The following MARCHF5 variants were observed in gnomAD, a reference collection of about 807,000 sequenced individuals.
The protein encoded by MARCHF5 is membrane associated ring-CH-type finger 5.
A neutral mutation model predicts 36.5 loss-of-function variants in MARCHF5; 5 were observed. The observed-to-expected ratio is 0.14, with a 90% CI of 0.07 to 0.29. The LOEUF (loss-of-function observed/expected upper bound fraction) is 0.29. Among genes scored for constraint, MARCHF5 ranks in the 10% least tolerant of loss-of-function variants. The pLI, the probability that MARCHF5 is intolerant of heterozygous loss-of-function variation, is 1.00. For missense variants in MARCHF5, 179 were observed against 336.3 expected (o/e 0.53, Z 3.66); for synonymous variants, 103 against 109.9 (o/e 0.94, Z 0.39).
intron 1 of MARCHF5, among the ~76,000 whole-genome samples, chr10:92,297,483 C>CTTTT (rs965295861): frequency 3.3e-5 from 4 of 122,966 alleles, no homozygotes; most frequent in Non-Finnish European, 5.1e-5. Context: ...CAGCTTTCAA[C>CTTTT]TTTTTTTTTT....
chr10:92,311,399 T>C, intron 2 of MARCHF5, 62 bp downstream of exon 2: 1 of 1,193,070 alleles, frequency 8.4e-7, no homozygotes, highest in Admixed American at 2.8e-5. Context: ...ACTTTATAAG[T>C]TCATTTTAAA....
intron 3 of MARCHF5, among the ~76,000 whole-genome samples, chr10:92,347,351 G>T (rs1843656786): frequency 6.6e-6 from 1 of 152,068 alleles, no homozygotes; most frequent in Non-Finnish European, 1.5e-5. Context: ...CAGGTGTTGT[G>T]CCATGTGCCT....
chr10:92,332,515 CTTTTTTTTTT>C (rs34226671), intron 2 of MARCHF5, among the ~76,000 whole-genome samples: 1 of 95,936 alleles, frequency 1.0e-5, no homozygotes, highest in Non-Finnish European at 2.0e-5. Context: ...ATTCCCCATC[CTTTTTTTTTT>C]TTTTTTTTTT....
intron 2 of MARCHF5, among the ~76,000 whole-genome samples, chr10:92,323,899 C>T (rs1409812882): frequency 6.6e-6 from 1 of 152,190 alleles, no homozygotes; most frequent in African/African-American, 2.4e-5. Flanking sequence ...AAATTTTCAA[C>T]TCATTGGGGT....
Position 92,291,435 on chromosome 10 carries a change from C to A in MARCHF5, c.-60C>A, listed in dbSNP as rs749226809. 1,086 of 1,431,722 alleles carry A rather than the reference C, an allele frequency of 7.6e-4. 1 individual carries two copies. Among genetic ancestry groups the A allele is most frequent in the Non-Finnish European group, 1.0e-3 (1,044 of 1,039,716 alleles). The allele number at this position is 1,431,722 out of a possible 1,614,324, so 88.7% of individuals were successfully genotyped here. On this transcript the variant is annotated 5_prime_UTR_variant, in exon 1 of 6. Coordinates refer to ENST00000358935, the MANE Select transcript of MARCHF5 (RefSeq NM_017824.5). The stretch of plus-strand genomic sequence containing the variant: ...TCCGCCGCCTCTCAGTGCTATTGTC[C>A]CTGGGCCTGGCCTTGAGCGGGTCCA...
At chr10:92,312,799 C>T (rs1367565026) in intron 2 of MARCHF5, among the ~76,000 whole-genome samples, 1 of 152,192 alleles carries the variant, frequency 6.6e-6, no homozygotes, top group Non-Finnish European at 1.5e-5. Flanking sequence ...GTGTATGGCA[C>T]TCGAAAGCAA....
chr10:92,291,260 A>ATCGCCGCC lies in MARCHF5; in HGVS notation c.-232_-225dup. On this transcript the variant is annotated 5_prime_UTR_variant, in exon 1 of 6. An upstream open reading frame in the 5' UTR gains an earlier in-frame stop. Coordinates refer to ENST00000358935, the MANE Select transcript of MARCHF5 (RefSeq NM_017824.5). ...CCGACGGACGGGAACCCGGGCCGCG[A>ATCGCCGCC]TCGCCGCCTCCCCGCCTCAGGCTCC... 1 of 540,806 alleles carries ATCGCCGCC rather than the reference A, an allele frequency of 1.8e-6. No individual in the cohort carries two copies. The highest frequency in any genetic ancestry group is 3.2e-6 in the Non-Finnish European group (1 of 311,500). The allele number at this position is 540,806 out of a possible 1,614,324, so 33.5% of individuals were successfully genotyped here. A position where few individuals can be genotyped will look rare whatever the true frequency, so the allele number is the denominator to read the frequency against.
At chr10:92,332,515 CTT>C (rs34226671) in intron 2 of MARCHF5, among the ~76,000 whole-genome samples, 24 of 95,934 alleles carry the variant, frequency 2.5e-4, no homozygotes, top group South Asian at 7.1e-4. Flanking sequence ...ATTCCCCATC[CTT>C]TTTTTTTTTT....
chr10:92,350,662 AGT>A (rs1483767297), intron 5 of MARCHF5, among the ~76,000 whole-genome samples: 3 of 152,074 alleles, frequency 2.0e-5, no homozygotes, highest in African/African-American at 7.2e-5. Context: ...TGGCAGGCTC[AGT>A]GTGAGTTTAC....
chr10:92,324,567 T>G (rs1394899497), intron 2 of MARCHF5, among the ~76,000 whole-genome samples: 12 of 152,302 alleles, frequency 7.9e-5, no homozygotes, highest in African/African-American at 2.9e-4. Context: ...TTTCACTGTG[T>G]TAGCTAGGAT....
At position 92,311,234 on chromosome 10, in the gene MARCHF5, C is replaced by G. The variant is rs1843140725; in HGVS notation, c.135C>G (p.Ala45=). 1.9e-6 allele frequency: 3 copies of G among 1,613,976 alleles called. No homozygotes were observed. The Admixed American group carries it at 5.0e-5, about 27-fold the overall frequency. ...GATCTACAAAATGGGTTCACCAGGC[C>G]TGTCTACAACGCTGGGTGGATGAAA... is the stretch of plus-strand genomic sequence containing the variant. ...CRGSTKWVHQ[A]CLQRWVDEKQ... Residue 45 remains alanine (A), a synonymous_variant, in exon 2 of 6, where the codon GCC becomes GCG. Coordinates refer to ENST00000358935, the MANE Select transcript of MARCHF5 (RefSeq NM_017824.5).
At chr10:92,311,113 C>T in intron 1 of MARCHF5, 22 bp from the exon 2 acceptor site, 2 of 1,595,106 alleles carry the variant, frequency 1.3e-6, no homozygotes, top group South Asian at 1.1e-5. Context: ...TAAATGTCAT[C>T]CTTTTCTCTT....
chr10:92,342,706 C>T (rs984988781), intron 3 of MARCHF5, among the ~76,000 whole-genome samples: 2 of 152,172 alleles, frequency 1.3e-5, no homozygotes, highest in Non-Finnish European at 1.5e-5. Flanking sequence ...ATCTCCATTG[C>T]CTTAAGTAGT....
chr10:92,319,318 G>A (rs576834214), intron 2 of MARCHF5, among the ~76,000 whole-genome samples: 4 of 143,852 alleles, frequency 2.8e-5, no homozygotes, highest in African/African-American at 1.0e-4. Context: ...TTTTTGAGAC[G>A]GAGTTTCGCT....
intron 1 of MARCHF5, among the ~76,000 whole-genome samples, chr10:92,298,671 G>A (rs150413603): frequency 0.014 from 2,201 of 152,044 alleles, 56 homozygotes; most frequent in African/African-American, 0.05. Flanking sequence ...CCCACCCTCC[G>A]GCTCAAAATA....
At chr10:92,346,591 C>T (rs1446288690) in intron 3 of MARCHF5, among the ~76,000 whole-genome samples, 4 of 144,996 alleles carry the variant, frequency 2.8e-5, no homozygotes, top group East Asian at 4.0e-4. Context: ...TGGGTTCAAG[C>T]GATTCTCCTG....
chr10:92,298,046 A>C (rs1842968472), intron 1 of MARCHF5, among the ~76,000 whole-genome samples: 1 of 152,126 alleles, frequency 6.6e-6, no homozygotes, highest in South Asian at 2.1e-4. Context: ...AAAAATACAA[A>C]CATTAGTAGG....
intron 3 of MARCHF5, among the ~76,000 whole-genome samples, chr10:92,343,308 G>A (rs368700964): frequency 6.6e-6 from 1 of 152,104 alleles, no homozygotes; most frequent in South Asian, 2.1e-4. Context: ...GAACTTACAG[G>A]CAACTCCTGC....
rs36004450 is a variant in MARCHF5 at position 92,340,686 on chromosome 10, C to T, written c.252C>T (p.Tyr84=). The change falls in exon 3 of 6, where the codon TAC becomes TAT. Residue 84 remains tyrosine, a synonymous_variant. Transcript: ENST00000358935. ...IVFPKLGPVV[Y]VLDLADRLIS... ...TGTGTGTTATAGGTCCAGTGGTTTA[C>T]GTCTTGGATCTTGCAGATAGACTGA... 8.3e-5 allele frequency: 134 copies of T among 1,610,586 alleles called. No homozygotes were observed. The African/African-American group carries it at 1.1e-3, about 14-fold the overall frequency.
Sources: allele counts gnomAD v4.1 joint callset (sites outside exome capture counted in the v4.1 genomes callset), GRCh38; gene constraint gnomAD v4.1.1; transcripts MANE v1.5; gene names NCBI Gene and HGNC (gene_info 2026-07-23, HGNC 2026-07-21).